The following LTN1 variants were observed in gnomAD, a reference collection of about 807,000 sequenced individuals.
The protein encoded by LTN1 is E3 ubiquitin-protein ligase listerin.
In LTN1, 88 loss-of-function variants were observed where a neutral mutation model predicts 201.2. The observed-to-expected ratio is 0.44, with a 90% CI of 0.37 to 0.52. The LOEUF (loss-of-function observed/expected upper bound fraction) is 0.52. Ranked by LOEUF, LTN1 falls within the 20% of genes least tolerant of loss-of-function variation. The pLI, the probability that LTN1 is intolerant of heterozygous loss-of-function variation, is 0.00. For missense variants in LTN1, 1,752 were observed against 2,038.7 expected (o/e 0.86, Z 2.71); for synonymous variants, 645 against 713.5 (o/e 0.90, Z 1.53).
At chr21:28,971,153 A>C (rs756235154) in intron 7 of LTN1, 118 bp downstream of exon 7, 72 of 844,336 alleles carry the variant, frequency 8.5e-5, no homozygotes, top group Non-Finnish European at 1.1e-4. Context: ...AGTCACTTTA[A>C]GATTTATGCC....
chr21:28,960,722 T>G lies in LTN1; in HGVS notation c.2164-16A>C, dbSNP rs899472799. The G allele has an allele frequency of 6.3e-6, 10 of 1,577,302 alleles. No homozygotes were observed. The African/African-American group carries it at 1.4e-4, about 21-fold the overall frequency. On this transcript the variant is annotated splice_polypyrimidine_tract_variant and intron_variant, in intron 11 of 29. Transcript: ENST00000361371. The stretch of plus-strand genomic sequence containing the variant: ...TAGGACATGCCTAAAACCATAAAAT[T>G]AAAGCAAAGATTAACAGCAAGATCA...
chr21:28,973,946 C>T (rs2084595727), intron 6 of LTN1, among the ~76,000 whole-genome samples: 1 of 152,088 alleles, frequency 6.6e-6, no homozygotes, highest in African/African-American at 2.4e-5. Flanking sequence ...CAACTGAATA[C>T]TCCATAACCA....
chr21:28,949,226 T>C (rs1217464345), intron 18 of LTN1, among the ~76,000 whole-genome samples: 2 of 152,256 alleles, frequency 1.3e-5, no homozygotes, highest in Non-Finnish European at 2.9e-5. Flanking sequence ...TACTGATTTA[T>C]ATAAACTATA....
intron 4 of LTN1, among the ~76,000 whole-genome samples, chr21:28,984,291 A>C (rs112875043): frequency 9.2e-5 from 14 of 152,260 alleles, no homozygotes; most frequent in African/African-American, 3.4e-4. Flanking sequence ...ATCCATGTAT[A>C]GTAATACCAG....
intron 28 of LTN1, 61 bp downstream of exon 28, chr21:28,932,409 C>A: frequency 7.9e-7 from 1 of 1,263,108 alleles, no homozygotes; most frequent in South Asian, 1.3e-5. Flanking sequence ...TGTTTAAATG[C>A]CCTTTTAAAT....
rs918763279 is a variant in LTN1, at chr21:28,984,875, T to C, written c.393A>G (p.Lys131=). 1.2e-6 allele frequency: 2 copies of C among 1,614,094 alleles called. No individual in the cohort carries two copies. The highest frequency in any genetic ancestry group is 1.7e-6 in the Non-Finnish European group (2 of 1,179,988). Residue 131 remains lysine (K), a synonymous_variant, in exon 4 of 30, where the codon AAA becomes AAG. Coordinates refer to ENST00000361371, the MANE Select transcript of LTN1 (RefSeq NM_015565.3). ...VREATQQAFE[K]LILKVKKQLA... is the part of the protein sequence containing the mutation. The stretch of plus-strand genomic sequence containing the variant: ...ACTGTTTCTTTACTTTAAGGATAAG[T>C]TTTTCAAAAGCTTGTTGTGTGGCTT...
chr21:28,970,171 A>C (rs769087780), intron 8 of LTN1, among the ~76,000 whole-genome samples: 3 of 152,212 alleles, frequency 2.0e-5, no homozygotes, highest in Admixed American at 6.5e-5. Context: ...AAAGTTGTTG[A>C]TGTTTTAAAA....
chr21:28,935,473 C>G (rs77578987), intron 26 of LTN1, 144 bp from the exon 27 acceptor site: 485 of 610,794 alleles, frequency 7.9e-4, no homozygotes, highest in Non-Finnish European at 1.3e-3. Context: ...CCAGAGAAAC[C>G]AGAACTCTGG....
At chr21:28,955,581 G>A (rs974715025) in intron 16 of LTN1, among the ~76,000 whole-genome samples, 2 of 151,924 alleles carry the variant, frequency 1.3e-5, no homozygotes, top group African/African-American at 2.4e-5. Flanking sequence ...TGAATGAATG[G>A]ATATATAAAA....
chr21:28,976,012 A>G (rs192347893), intron 6 of LTN1, among the ~76,000 whole-genome samples: 1 of 152,328 alleles, frequency 6.6e-6, no homozygotes, highest in Admixed American at 6.5e-5. Flanking sequence ...TTTATATGAC[A>G]GCATAGAAAA....
chr21:28,929,111 ACT>A lies in LTN1; in HGVS notation c.*1335_*1336del, dbSNP rs1005005064. On this transcript the variant is annotated 3_prime_UTR_variant, in exon 30 of 30. Transcript: ENST00000361371. ...ATAAATATAATTCGAGAGATCTATAACTCACACATAGTACTTCACTCTCAACT... is the reference window on the plus strand; with the variant it reads ...ATAAATATAATTCGAGAGATCTATAACACACATAGTACTTCACTCTCAACT... 25 of 152,668 alleles carry A rather than the reference ACT, an allele frequency of 1.6e-4. No homozygotes were observed. Among genetic ancestry groups the A allele is most frequent in the African/African-American group, 6.0e-4 (25 of 41,566 alleles). 9.5% of individuals were successfully genotyped at this position (152,668 alleles called of 1,614,324 possible).
At chr21:28,967,277 A>G in intron 9 of LTN1, 98 bp from the exon 10 acceptor site, 1 of 835,546 alleles carries the variant, frequency 1.2e-6, no homozygotes, top group East Asian at 2.6e-5. Context: ...CCAAAGTGAT[A>G]TCATTTCATA....
In LTN1 at chr21:28,992,839, A is replaced by T. The variant is rs2084759341; in HGVS notation, c.-34T>A. Reference sequence around the variant, plus strand: ...TTGCAGCTGTACTCTGAGCACTCAGACCCCGGTTGACACGTCCGGGACACA... The same window carrying T: ...TTGCAGCTGTACTCTGAGCACTCAGTCCCCGGTTGACACGTCCGGGACACA... On this transcript the variant is annotated 5_prime_UTR_variant, in exon 1 of 30. Transcript: ENST00000361371. 5 of 1,613,738 alleles carry T rather than the reference A, an allele frequency of 3.1e-6. No homozygotes were observed. In the South Asian group the frequency reaches 5.5e-5, roughly 18 times the overall value.
rs1262217679 is a variant in LTN1 at position 28,984,905 on chromosome 21, G to C, written c.363C>G (p.Val121=). The C allele has an allele frequency of 1.9e-6, 3 of 1,613,264 alleles. No individual in the cohort carries two copies. The highest frequency in any genetic ancestry group is 1.3e-5 in the African/African-American group (1 of 74,830). Residue 121 remains valine, a synonymous_variant, in exon 4 of 30, where the codon GTC becomes GTG. Transcript: ENST00000361371. ...CAAAAGCTTGTTGTGTGGCTTCTCGGACGCGACGGTCATGATCCTATTAAA... is the reference window on the plus strand; with the variant it reads ...CAAAAGCTTGTTGTGTGGCTTCTCGCACGCGACGGTCATGATCCTATTAAA... ...CKISLDHDRR[V]REATQQAFEK...
chr21:28,943,316 T>C lies in LTN1; in HGVS notation c.4241A>G (p.Gln1414Arg). ...MLYKLMPELP[Q>R]YDQDNLKSYG... Reference sequence around the variant, plus strand: ...TGACTTTAGATTATCCTGATCATACTGTGGTAATTCAGGCATCAATCTAGA... The same window carrying C: ...TGACTTTAGATTATCCTGATCATACCGTGGTAATTCAGGCATCAATCTAGA... Residue 1414 changes from glutamine to arginine, a missense_variant, in exon 24 of 30, where the codon CAG (glutamine) becomes CGG (arginine). Gln to Arg is a conservative substitution (Grantham distance 43). Transcript: ENST00000361371. The C allele has an allele frequency of 6.3e-7, 1 of 1,596,722 alleles. No individual in the cohort carries two copies. Among genetic ancestry groups the C allele is most frequent in the Non-Finnish European group, 8.6e-7 (1 of 1,166,974 alleles).
At position 28,985,498 on chromosome 21, in the gene LTN1, T is replaced by C. The variant is rs188187806; in HGVS notation, c.346-576A>G. ...AAAAAAAAAGTTGGGTCTTCAATAATTAAGCAACTCACTCTCATTCTTCTG... is the reference window on the plus strand; with the variant it reads ...AAAAAAAAAGTTGGGTCTTCAATAACTAAGCAACTCACTCTCATTCTTCTG... On this transcript the variant is annotated intron_variant, in intron 3 of 29. Coordinates refer to ENST00000361371, the MANE Select transcript of LTN1 (RefSeq NM_015565.3). Among the ~76,000 whole-genome samples the C allele has an allele frequency of 2.5e-3, 371 of 151,336 alleles. 2 individuals are homozygous for C. The highest frequency in any genetic ancestry group is 8.7e-3 in the African/African-American group (359 of 41,330).
chr21:28,975,587 T>C (rs2084608736), intron 6 of LTN1, among the ~76,000 whole-genome samples: 1 of 152,094 alleles, frequency 6.6e-6, no homozygotes, highest in Non-Finnish European at 1.5e-5. Context: ...CATAAAACTA[T>C]TTACAAAAAT....
At chr21:28,930,842 C>G (rs907323706) in intron 29 of LTN1, among the ~76,000 whole-genome samples, 2 of 152,198 alleles carry the variant, frequency 1.3e-5, no homozygotes, top group Non-Finnish European at 2.9e-5. Context: ...CCAGTACCAA[C>G]TCCTGTACTC....
Position 28,932,561 on chromosome 21 carries a change from G to C in LTN1, c.4979C>G (p.Ser1660Ter). 1 of 1,613,614 alleles carries C rather than the reference G, an allele frequency of 6.2e-7. No homozygotes were observed. Among genetic ancestry groups the C allele is most frequent in the Non-Finnish European group, 8.5e-7 (1 of 1,179,648 alleles). Residue 1660 changes from serine (S) to a stop codon, truncating the protein, a stop_gained, in exon 28 of 30, where the codon TCA (serine) becomes TGA (stop). Coordinates refer to ENST00000361371, the MANE Select transcript of LTN1 (RefSeq NM_015565.3). LOFTEE classifies it high-confidence loss of function. ...IQLPSNYPLGSIIVESGKRVG... is the reference protein window; with the variant it reads ...IQLPSNYPLG ...TCTTTTCCCACTTTCTACTATTATT[G>C]AACCCAGTGGATAATTTGAAGGCAG...
Sources: gnomAD v4.1 joint callset for allele counts (sites outside exome capture counted in the v4.1 genomes callset) on GRCh38, gnomAD v4.1.1 for gene constraint, MANE v1.5 for transcripts, NCBI Gene and HGNC (gene_info 2026-07-23, HGNC 2026-07-21) for gene names.